ASXL1: variants seen among roughly 807,000 people sequenced by gnomAD.
The protein encoded by ASXL1 is ASXL transcriptional regulator 1.
Under a neutral mutation model 89.1 loss-of-function variants are expected in ASXL1, and 65 were observed. The observed-to-expected ratio is 0.73, with a 90% CI of 0.60 to 0.90. The LOEUF is 0.90. Ranked by LOEUF, ASXL1 falls within the 40% of genes least tolerant of loss-of-function variation. The probability of loss-of-function intolerance (pLI) is 0.00; values close to 1 mark genes in which losing one functional copy is unlikely to be tolerated. For synonymous variants in ASXL1, 739 were observed against 746.9 expected, an observed-to-expected ratio of 0.99 and a Z score of 0.17; for missense variants, 1,786 against 1,942.9, an observed-to-expected ratio of 0.92 and a Z score of 1.52.
intron 4 of ASXL1, among the ~76,000 whole-genome samples, chr20:32,390,013 C>T (rs1020988276): frequency 2.6e-5 from 4 of 152,190 alleles, no homozygotes; most frequent in Admixed American, 6.5e-5. Flanking sequence ...TATCCTAGTA[C>T]AGATGGTCCT....
chr20:32,400,102 T>A (rs74272024), intron 4 of ASXL1, among the ~76,000 whole-genome samples: 1 of 151,232 alleles, frequency 6.6e-6, no homozygotes, highest in Non-Finnish European at 1.5e-5. Flanking sequence ...TGATTTGGTT[T>A]AAAAAAAAAT....
In ASXL1 at chr20:32,428,194, G is replaced by A. The variant is rs2123209209; in HGVS notation, c.319G>A (p.Asp107Asn). The A allele has an allele frequency of 6.2e-7, 1 of 1,614,184 alleles. No individual in the cohort carries two copies. The highest frequency in any genetic ancestry group is 8.5e-7 in the Non-Finnish European group (1 of 1,180,032). The change falls in exon 5 of 13, where the codon GAT (aspartate) becomes AAT (asparagine). Residue 107 changes from aspartate to asparagine, a missense_variant. This residue lies in a region of ASXL1 where 332 missense variants were observed against 449.7 expected (regional missense o/e 0.74). Transcript: ENST00000375687. ...VEGEEPEDTA[D>N]VESCGSNEAS... ...GGGAGAGGAGCCAGAGGACACGGCT[G>A]ATGTGGAGAGCTGTGGGTCTAATGA...
chr20:32,359,443 C>CT, intron 1 of ASXL1: 1 of 699,330 alleles, frequency 1.4e-6, no homozygotes, highest in Non-Finnish European at 2.6e-6. Flanking sequence ...AACGCTACTC[C>CT]TAGGGCCCTT....
At chr20:32,378,158 T>G (rs932139307) in intron 4 of ASXL1, among the ~76,000 whole-genome samples, 4 of 130,222 alleles carry the variant, frequency 3.1e-5, no homozygotes, top group East Asian at 2.3e-4. Flanking sequence ...GCTGAGTAAT[T>G]TGTGTGTGTG....
rs71338437 is a variant in ASXL1 at position 32,418,809 on chromosome 20, C to CTTTTTT, written c.253-9283_253-9278dup. On this transcript the variant is annotated intron_variant, in intron 4 of 12. Coordinates refer to ENST00000375687, the MANE Select transcript of ASXL1 (RefSeq NM_015338.6). Reference sequence around the variant, plus strand: ...AAATCAAAATGGGAAGAATTGACATCTTTTTTTTTTTTTTTTTTTTTTTTT... The same window carrying CTTTTTT: ...AAATCAAAATGGGAAGAATTGACATCTTTTTTTTTTTTTTTTTTTTTTTTTTTTTTT... Among the ~76,000 whole-genome samples the CTTTTTT allele has an allele frequency of 1.0e-3, 56 of 55,744 alleles. 4 individuals are homozygous for CTTTTTT. Among genetic ancestry groups the CTTTTTT allele is most frequent in the East Asian group, 2.1e-3 (3 of 1,462 alleles). The allele number at this position is 55,744 out of a possible 152,430, so 36.6% of individuals were successfully genotyped here.
intron 4 of ASXL1, among the ~76,000 whole-genome samples, chr20:32,395,221 T>C: frequency 6.6e-6 from 1 of 151,454 alleles, no homozygotes; most frequent in East Asian, 1.9e-4. Flanking sequence ...CTTTAAGCTT[T>C]GGTGTGTTTG....
At chr20:32,386,420 G>A (rs1600504348) in intron 4 of ASXL1, among the ~76,000 whole-genome samples, 2 of 151,560 alleles carry the variant, frequency 1.3e-5, no homozygotes, top group Non-Finnish European at 2.9e-5. Flanking sequence ...TCATATTTGG[G>A]GTTACTTTTT....
At chr20:32,430,841 T>C (rs2011492395) in intron 8 of ASXL1, 2 of 366,818 alleles carry the variant, frequency 5.5e-6, no homozygotes, top group Non-Finnish European at 5.1e-6. Flanking sequence ...TGAGAGGTAT[T>C]AGCATCTCAG....
intron 4 of ASXL1, among the ~76,000 whole-genome samples, chr20:32,387,014 T>C (rs760040876): frequency 8.5e-5 from 13 of 152,094 alleles, no homozygotes; most frequent in Non-Finnish European, 1.9e-4. Context: ...CATTTCATAA[T>C]GCAAATGAAA....
chr20:32,383,500 G>A (rs1366028795), intron 4 of ASXL1, among the ~76,000 whole-genome samples: 1 of 151,884 alleles, frequency 6.6e-6, no homozygotes, highest in African/African-American at 2.4e-5. Context: ...ATAGAGACGG[G>A]GTTTCACTGT....
intron 4 of ASXL1, among the ~76,000 whole-genome samples, chr20:32,378,713 T>C (rs773894232): frequency 9.8e-5 from 15 of 152,290 alleles, no homozygotes; most frequent in Admixed American, 1.3e-4. Flanking sequence ...AGGACTTTCA[T>C]GCTGAAATAC....
intron 4 of ASXL1, among the ~76,000 whole-genome samples, chr20:32,419,704 A>G (rs4911228): frequency 0.8 from 116,201 of 144,784 alleles, 46,923 homozygotes; most frequent in South Asian, 0.92. Flanking sequence ...TTTTTGAGAC[A>G]GAGTTTCGCT....
At chr20:32,434,266 T>C in intron 12 of ASXL1, 166 bp from the exon 13 acceptor site, 2 of 883,852 alleles carry the variant, frequency 2.3e-6, no homozygotes, top group Non-Finnish European at 3.5e-6. Flanking sequence ...CTTCTCTGAA[T>C]GGTGTGTTAT....
rs1183315960 is a variant in ASXL1, at chr20:32,434,621, G to A, written c.1909G>A (p.Ala637Thr). 1.2e-6 allele frequency: 2 copies of A among 1,609,380 alleles called. No homozygotes were observed. Among genetic ancestry groups the A allele is most frequent in the Non-Finnish European group, 1.7e-6 (2 of 1,177,744 alleles). Reference protein sequence around the residue: ...ARGHHCHREAATTAIGGGGGP... With the variant: ...ARGHHCHREATTTAIGGGGGP... Reference sequence around the variant, plus strand: ...AGGTCACCACTGCCATAGAGAGGCGGCCACCACTGCCATCGGAGGGGGGGG... The same window carrying A: ...AGGTCACCACTGCCATAGAGAGGCGACCACCACTGCCATCGGAGGGGGGGG... The change falls in exon 13 of 13, where the codon GCC becomes ACC. Residue 637 changes from alanine (A) to threonine (T), a missense_variant. Physicochemically the swap from Ala to Thr is moderately conservative, Grantham distance 58 (BLOSUM62 0). Transcript: ENST00000375687.
intron 4 of ASXL1, among the ~76,000 whole-genome samples, chr20:32,425,728 A>G (rs545499708): frequency 6.6e-6 from 1 of 151,780 alleles, no homozygotes; most frequent in East Asian, 1.9e-4. Context: ...CGCCCCCAAG[A>G]AGGAGTCTGG....
chr20:32,385,676 G>A (rs939464154), intron 4 of ASXL1, among the ~76,000 whole-genome samples: 3 of 151,054 alleles, frequency 2.0e-5, no homozygotes, highest in Non-Finnish European at 2.9e-5. Flanking sequence ...AAATTATCCC[G>A]TTATGCTGGA....
chr20:32,418,197 A>G (rs2049171172), intron 4 of ASXL1, among the ~76,000 whole-genome samples: 1 of 151,692 alleles, frequency 6.6e-6, no homozygotes. Context: ...ATAATAATAA[A>G]TAAATACAAT....
rs886056595 is a variant in ASXL1 at position 32,358,744 on chromosome 20, G to C, written c.-32G>C. 1.5e-4 allele frequency: 99 copies of C among 664,906 alleles called. No individual in the cohort carries two copies. Among genetic ancestry groups the C allele is most frequent in the Non-Finnish European group, 2.2e-4 (92 of 421,902 alleles). The allele number at this position is 664,906 out of a possible 1,614,324, so 41.2% of individuals were successfully genotyped here. A position where few individuals can be genotyped will look rare whatever the true frequency, so the allele number is the denominator to read the frequency against. ...CCAGCCCGCCCAGCCCGGAGGTCCC[G>C]CGTGGAGCTGCCGCCGCCGCCGGGG... On this transcript the variant is annotated 5_prime_UTR_variant, in exon 1 of 13. Transcript: ENST00000375687.
intron 1 of ASXL1, among the ~76,000 whole-genome samples, chr20:32,361,787 C>T (rs374833153): frequency 2.0e-5 from 3 of 151,000 alleles, no homozygotes; most frequent in East Asian, 2.0e-4. Flanking sequence ...AGTCCCAGGC[C>T]GGGCACGGTG....
Sources: gnomAD v4.1 joint callset for allele counts (sites outside exome capture counted in the v4.1 genomes callset) on GRCh38, gnomAD v4.1.1 for gene constraint, gnomAD v4.1.1 regional missense constraint, MANE v1.5 for transcripts, NCBI Gene and HGNC (gene_info 2026-07-23, HGNC 2026-07-21) for gene names.